CDH4: variants seen among roughly 807,000 people sequenced by gnomAD.
The protein encoded by CDH4 is cadherin 4.
A neutral mutation model predicts 86.0 loss-of-function variants in CDH4; 33 were observed. The ratio of observed to expected loss-of-function variants is 0.38; its 90% CI spans 0.29 to 0.51. The LOEUF (loss-of-function observed/expected upper bound fraction) is 0.51. Among genes scored for constraint, CDH4 ranks in the 20% least tolerant of loss-of-function variants. The pLI is 0.86. For missense variants in CDH4, 1,114 were observed against 1,307.4 expected (o/e 0.85, Z 2.28); for synonymous variants, 555 against 549.4 (o/e 1.01, Z -0.14).
At chr20:61,908,362 A>C (rs1170939528) in intron 8 of CDH4, among the ~76,000 whole-genome samples, 1 of 152,160 alleles carries the variant, frequency 6.6e-6, no homozygotes, top group Non-Finnish European at 1.5e-5. Context: ...GACAGTCGCC[A>C]TCTGTATTTC....
chr20:61,558,740 C>G (rs1242934274), intron 2 of CDH4, among the ~76,000 whole-genome samples: 9 of 152,264 alleles, frequency 5.9e-5, no homozygotes, highest in Admixed American at 4.6e-4. Context: ...ACCCTCAACA[C>G]ATGTCAATAC....
intron 2 of CDH4, among the ~76,000 whole-genome samples, chr20:61,259,250 A>G (rs1230603856): frequency 6.6e-6 from 1 of 152,222 alleles, no homozygotes; most frequent in Non-Finnish European, 1.5e-5. Context: ...ATCCATATCT[A>G]AGAATCTGCC....
intron 11 of CDH4, 135 bp from the exon 12 acceptor site, chr20:61,928,055 G>T: frequency 1.3e-6 from 1 of 751,746 alleles, no homozygotes; most frequent in Non-Finnish European, 2.3e-6. Context: ...GGCCGGCCGT[G>T]TCCGGCTGGG....
At position 61,740,480 on chromosome 20, in the gene CDH4, C is replaced by G. The variant is rs185671616; in HGVS notation, c.170-3083C>G. 6.8e-4 allele frequency: 104 copies of G among 152,340 alleles called. 1 individual carries two copies. Among genetic ancestry groups the G allele is most frequent in the African/African-American group, 2.4e-3 (99 of 41,572 alleles). The allele number at this position is 152,340 out of a possible 1,614,324, so 9.4% of individuals were successfully genotyped here. A position where few individuals can be genotyped will look rare whatever the true frequency, so the allele number is the denominator to read the frequency against. On this transcript the variant is annotated intron_variant, in intron 2 of 15. Coordinates refer to ENST00000614565, the MANE Select transcript of CDH4 (RefSeq NM_001794.5). ...GTCTCAGAAGACTTGCCTTATTGCT[C>G]TTTCCTTATGAAAGAGGCCACAGCC...
intron 2 of CDH4, among the ~76,000 whole-genome samples, chr20:61,723,757 C>T (rs2088071828): frequency 6.6e-6 from 1 of 152,206 alleles, no homozygotes; most frequent in African/African-American, 2.4e-5. Flanking sequence ...GGCAGCCAAC[C>T]AGAGTGTGTT....
At chr20:61,497,684 T>A (rs2085672112) in intron 2 of CDH4, among the ~76,000 whole-genome samples, 1 of 152,178 alleles carries the variant, frequency 6.6e-6, no homozygotes, top group African/African-American at 2.4e-5. Flanking sequence ...AAATACCATT[T>A]GACCCAGCCA....
At position 61,684,050 on chromosome 20, in the gene CDH4, G is replaced by C. The variant is rs1350143379; in HGVS notation, c.170-59513G>C. Among the ~76,000 whole-genome samples, 1 of 152,244 alleles carries C rather than the reference G, an allele frequency of 6.6e-6. No homozygotes were observed. Among genetic ancestry groups the C allele is most frequent in the Non-Finnish European group, 1.5e-5 (1 of 68,042 alleles). ...AGGGACTACAGCCAGAGCTGGGTCT[G>C]TTTGGTGCTTCTTCCCTGTGTGTGG... On this transcript the variant is annotated intron_variant, in intron 2 of 15. Coordinates refer to ENST00000614565, the MANE Select transcript of CDH4 (RefSeq NM_001794.5). The surrounding 1 kb of genome is among the most constrained non-coding windows in gnomAD (Gnocchi z 4.5).
chr20:61,312,754 G>A (rs955230742), intron 2 of CDH4, among the ~76,000 whole-genome samples: 4 of 152,132 alleles, frequency 2.6e-5, no homozygotes, highest in Non-Finnish European at 4.4e-5. Context: ...TTTGTGCAGC[G>A]TATGATGACC....
chr20:61,565,132 T>TCTTGGTGGTGGC (rs2086261186), intron 2 of CDH4, among the ~76,000 whole-genome samples: 1 of 137,328 alleles, frequency 7.3e-6, no homozygotes, highest in African/African-American at 2.8e-5. Context: ...TTGGTGGTGC[T>TCTTGGTGGTGGC]GGTCCTCTTG....
At position 61,325,610 on chromosome 20, in the gene CDH4, GA is replaced by G. The variant is rs536186198; in HGVS notation, c.169+70674del. Among the ~76,000 whole-genome samples the G allele has an allele frequency of 4.6e-5, 7 of 152,212 alleles. No homozygotes were observed. The East Asian group carries it at 1.4e-3, about 30-fold the overall frequency. On this transcript the variant is annotated intron_variant, in intron 2 of 15. Coordinates refer to ENST00000614565, the MANE Select transcript of CDH4 (RefSeq NM_001794.5). ...AGGGGACAGCATTTGAGTTCTTGGA[GA>G]GATTATGAAGCCAGGAGCACTGGCC...
intron 2 of CDH4, among the ~76,000 whole-genome samples, chr20:61,278,172 C>A (rs537455443): frequency 6.6e-6 from 1 of 152,326 alleles, no homozygotes; most frequent in South Asian, 2.1e-4. Flanking sequence ...CATTGCTTCT[C>A]CTGCCAGCCA....
chr20:61,499,480 T>C lies in CDH4; in HGVS notation c.170-244083T>C, dbSNP rs192946520. On this transcript the variant is annotated intron_variant, in intron 2 of 15. Transcript: ENST00000614565. ...CATTCTCAGCGCCTCCTTTCTACCC[T>C]GCTTTAAAGAAGGCAAGTGTGAGTG... is the stretch of plus-strand genomic sequence containing the variant. 2.4e-4 allele frequency: 315 copies of C among 1,289,138 alleles called. 5 individuals are homozygous for C. In the Admixed American group the frequency reaches 7.2e-3, roughly 29 times the overall value. 79.9% of individuals were successfully genotyped at this position (1,289,138 alleles called of 1,614,324 possible).
intron 2 of CDH4, among the ~76,000 whole-genome samples, chr20:61,319,090 GC>G (rs1479924279): frequency 6.6e-6 from 1 of 152,184 alleles, no homozygotes; most frequent in South Asian, 2.1e-4. Flanking sequence ...CCCTGTAGCT[GC>G]CAAAGACGCT....
rs1421385640 is a variant in CDH4 at position 61,928,261 on chromosome 20, C to T, written c.1843C>T (p.Leu615=). ...TGACATCAACGACAACGCCCCTGAG[C>T]TGCTGCCCAAGGAGGCGCAGATCTG... The part of the protein sequence containing the change: ...LIDINDNAPE[L]LPKEAQICEK... The change falls in exon 12 of 16, where the codon CTG becomes TTG. Residue 615 remains leucine (L), a synonymous_variant. Transcript: ENST00000614565. The T allele has an allele frequency of 1.1e-5, 18 of 1,608,724 alleles. No homozygotes were observed. The highest frequency in any genetic ancestry group is 1.5e-5 in the Non-Finnish European group (18 of 1,179,996).
chr20:61,757,209 G>C (rs529029720), intron 3 of CDH4, among the ~76,000 whole-genome samples: 2 of 151,618 alleles, frequency 1.3e-5, no homozygotes, highest in Middle Eastern at 3.2e-3. Flanking sequence ...ATCTCCACGC[G>C]TGTTTCTCCA....
At position 61,560,504 on chromosome 20, in the gene CDH4, G is replaced by A. The variant is rs561015022; in HGVS notation, c.170-183059G>A. Among the ~76,000 whole-genome samples the A allele has an allele frequency of 1.3e-3, 201 of 152,346 alleles. 2 individuals are homozygous for A. Among genetic ancestry groups the A allele is most frequent in the Non-Finnish European group, 2.4e-3 (163 of 68,036 alleles). On this transcript the variant is annotated intron_variant, in intron 2 of 15. Coordinates refer to ENST00000614565, the MANE Select transcript of CDH4 (RefSeq NM_001794.5). ...AGATGCTTCCAGATGCCAAAGCCACGTTTTTAGGAGCCACAGCTCAGACGG... is the reference window on the plus strand; with the variant it reads ...AGATGCTTCCAGATGCCAAAGCCACATTTTTAGGAGCCACAGCTCAGACGG...
In CDH4 at chr20:61,627,885, C is replaced by T. The variant is rs781526444; in HGVS notation, c.170-115678C>T. On this transcript the variant is annotated intron_variant, in intron 2 of 15. Transcript: ENST00000614565. ...TCCCTTTTGTGTCGGTGTCCCCCAG[C>T]GAGGCCCAGGACTTGTTCTCACCCC... 2.6e-4 allele frequency among the ~76,000 whole-genome samples: 39 copies of T among 152,086 alleles called. 1 individual carries two copies. Among genetic ancestry groups the T allele is most frequent in the Non-Finnish European group, 5.0e-4 (34 of 68,004 alleles).
intron 2 of CDH4, among the ~76,000 whole-genome samples, chr20:61,339,735 A>G (rs902491427): frequency 1.3e-5 from 2 of 152,158 alleles, no homozygotes; most frequent in African/African-American, 4.8e-5. Context: ...GACCTGTGCC[A>G]TGGACACCTA....
intron 2 of CDH4, among the ~76,000 whole-genome samples, chr20:61,333,719 C>A (rs6028118): frequency 0.6 from 91,061 of 152,178 alleles, 27,280 homozygotes; most frequent in Middle Eastern, 0.76. Flanking sequence ...CTGGGTTGCG[C>A]TTTCAGGCGA....
Sources: gnomAD v4.1 joint callset for allele counts (sites outside exome capture counted in the v4.1 genomes callset) on GRCh38, gnomAD v4.1.1 for gene constraint, Gnocchi (gnomAD v3.1) non-coding constraint, MANE v1.5 for transcripts, NCBI Gene and HGNC (gene_info 2026-07-23, HGNC 2026-07-21) for gene names.